Variants in EYS observed in about 807,000 individuals in gnomAD.
The protein encoded by EYS is EGF-like photoreceptor maintenance factor.
In EYS, 250 loss-of-function variants were observed where a neutral mutation model predicts 282.1. The ratio of observed to expected loss-of-function variants is 0.89; its 90% confidence interval spans 0.80 to 0.98. The LOEUF (loss-of-function observed/expected upper bound fraction) is 0.98, where lower values mean the gene tolerates loss of function less well. Among genes scored for constraint, EYS ranks in the 50% least tolerant of loss-of-function variants. EYS has a pLI of 0.00. For synonymous variants in EYS, 1,355 were observed against 1,282.9 expected (o/e 1.06, Z -1.20); for missense variants, 4,016 against 3,709.0 (o/e 1.08, Z -2.15).
At chr6:64,926,572 A>T (rs1768523707) in intron 15 of EYS, among the ~76,000 whole-genome samples, 1 of 152,004 alleles carries the variant, frequency 6.6e-6, no homozygotes, top group African/African-American at 2.4e-5. Context: ...TCTCTATCTC[A>T]TGCACTGGGG....
intron 22 of EYS, among the ~76,000 whole-genome samples, chr6:64,672,183 C>A (rs924852161): frequency 6.6e-6 from 1 of 152,102 alleles, no homozygotes; most frequent in African/African-American, 2.4e-5. Flanking sequence ...TTAACTGATG[C>A]CCTAGTCTCT....
chr6:64,575,501 G>T (rs1765854489), intron 26 of EYS, among the ~76,000 whole-genome samples: 1 of 152,078 alleles, frequency 6.6e-6, no homozygotes, highest in Non-Finnish European at 1.5e-5. Flanking sequence ...AGGGAAGGTG[G>T]TAAGAACTGC....
chr6:64,611,656 G>T (rs781353890), intron 24 of EYS, among the ~76,000 whole-genome samples: 1 of 152,012 alleles, frequency 6.6e-6, no homozygotes, highest in African/African-American at 2.4e-5. Flanking sequence ...AATTTCACCC[G>T]AATAAGAGCA....
At chr6:64,645,045 A>G (rs1295673518) in intron 22 of EYS, among the ~76,000 whole-genome samples, 1 of 152,220 alleles carries the variant, frequency 6.6e-6, no homozygotes, top group Non-Finnish European at 1.5e-5. Context: ...CAATTCATTC[A>G]TCAGAATATT....
chr6:64,146,292 G>A (rs778524037), intron 31 of EYS, among the ~76,000 whole-genome samples: 3 of 152,136 alleles, frequency 2.0e-5, no homozygotes, highest in Non-Finnish European at 4.4e-5. Flanking sequence ...AAATAGAAAA[G>A]TCATGTCAAA....
chr6:64,655,907 T>C (rs1480849126), intron 22 of EYS, among the ~76,000 whole-genome samples: 2 of 152,114 alleles, frequency 1.3e-5, no homozygotes, highest in African/African-American at 4.8e-5. Flanking sequence ...GTTTTATGAG[T>C]TAACACCTAA....
intron 14 of EYS, among the ~76,000 whole-genome samples, chr6:64,989,738 A>T (rs1770997859): frequency 6.9e-6 from 1 of 145,250 alleles, no homozygotes; most frequent in African/African-American, 2.5e-5. Context: ...TATTATATAT[A>T]ATTGTATACA....
At chr6:64,181,051 G>A (rs1764774794) in intron 31 of EYS, among the ~76,000 whole-genome samples, 1 of 152,112 alleles carries the variant, frequency 6.6e-6, no homozygotes, top group African/African-American at 2.4e-5. Flanking sequence ...AGAACATGCT[G>A]TATTTGGTTT....
chr6:63,756,112 AC>A (rs763778012), intron 41 of EYS, among the ~76,000 whole-genome samples: 1 of 152,026 alleles, frequency 6.6e-6, no homozygotes, highest in Admixed American at 6.6e-5. Flanking sequence ...CTAATTGAAT[AC>A]CTTTATTTCT....
chr6:65,205,059 T>A (rs1426874069), intron 12 of EYS, among the ~76,000 whole-genome samples: 1 of 142,894 alleles, frequency 7.0e-6, no homozygotes, highest in African/African-American at 2.6e-5. Context: ...AGAATATATT[T>A]ATATATTCTA....
intron 30 of EYS, among the ~76,000 whole-genome samples, chr6:64,277,973 C>T (rs1768170371): frequency 6.6e-6 from 1 of 151,962 alleles, no homozygotes; most frequent in South Asian, 2.1e-4. Context: ...AAAATAGAAA[C>T]TATTGAAATT....
Position 65,107,295 on chromosome 6 carries a change from A to ATT in EYS, c.2024-49570_2024-49569dup, listed in dbSNP as rs34176335. Among the ~76,000 whole-genome samples, 673 of 134,806 alleles carry ATT rather than the reference A, an allele frequency of 5.0e-3. 2 individuals are homozygous for ATT. Among genetic ancestry groups the ATT allele is most frequent in the African/African-American group, 9.4e-3 (353 of 37,644 alleles). The allele number at this position is 134,806 out of a possible 152,430, so 88.4% of individuals were successfully genotyped here. ...TCAAATCTTCAAGAGTCTGGGTTGCATTTTTTTTTTTTTTTAATGTAAACA... is the reference window on the plus strand; with the variant it reads ...TCAAATCTTCAAGAGTCTGGGTTGCATTTTTTTTTTTTTTTTTAATGTAAACA... On this transcript the variant is annotated intron_variant, in intron 12 of 42. Transcript: ENST00000503581.
chr6:64,641,986 G>A (rs1240469946), intron 22 of EYS, among the ~76,000 whole-genome samples: 3 of 152,162 alleles, frequency 2.0e-5, no homozygotes, highest in Non-Finnish European at 4.4e-5. Context: ...CAAAAAGGTT[G>A]GGGACTGCTG....
intron 33 of EYS, among the ~76,000 whole-genome samples, chr6:64,060,325 A>G (rs527286091): frequency 6.6e-6 from 1 of 152,278 alleles, no homozygotes; most frequent in East Asian, 1.9e-4. Flanking sequence ...TCTCTTGCTC[A>G]TTCTCCATAT....
At chr6:65,484,557 C>A (rs958193598) in intron 5 of EYS, among the ~76,000 whole-genome samples, 19 of 151,938 alleles carry the variant, frequency 1.3e-4, no homozygotes, top group African/African-American at 4.6e-4. Context: ...CTTTGAAGAC[C>A]CAAGCAGACA....
intron 12 of EYS, among the ~76,000 whole-genome samples, chr6:65,263,059 A>G (rs1376131929): frequency 6.6e-6 from 1 of 152,142 alleles, no homozygotes; most frequent in Non-Finnish European, 1.5e-5. Flanking sequence ...CAATGCAAGA[A>G]GCAGGTTACA....
At chr6:64,045,231 T>A (rs1275998602) in intron 33 of EYS, among the ~76,000 whole-genome samples, 2 of 151,968 alleles carry the variant, frequency 1.3e-5, no homozygotes, top group African/African-American at 4.8e-5. Context: ...TACTTTTTTT[T>A]TAATAATGAA....
At chr6:63,980,015 A>C (rs1368896252) in intron 35 of EYS, among the ~76,000 whole-genome samples, 2 of 152,030 alleles carry the variant, frequency 1.3e-5, no homozygotes, top group Non-Finnish European at 2.9e-5. Context: ...ACTTTACAGC[A>C]GTAAATTAGA....
chr6:63,937,422 C>T (rs1267125273), intron 35 of EYS, among the ~76,000 whole-genome samples: 1 of 112,326 alleles, frequency 8.9e-6, no homozygotes, highest in African/African-American at 3.4e-5. Context: ...ACTTTGTTGC[C>T]CAGGCTGGAG....
Sources: allele counts gnomAD v4.1 joint callset (sites outside exome capture counted in the v4.1 genomes callset), GRCh38; gene constraint gnomAD v4.1.1; transcripts MANE v1.5; gene names NCBI Gene and HGNC (gene_info 2026-07-23, HGNC 2026-07-21).